Variants in ZBTB33 observed in about 807,000 individuals in gnomAD.
ZBTB33 encodes the protein zinc finger and BTB domain containing 33.
Under a neutral mutation model 25.9 loss-of-function variants are expected in ZBTB33, and 11 were observed. That is an observed-to-expected ratio of 0.42 (90% CI 0.27 to 0.70). The LOEUF is 0.70. Ranked by LOEUF, ZBTB33 falls within the 30% of genes least tolerant of loss-of-function variation. The pLI is 0.23. For synonymous variants in ZBTB33, 157 were observed against 184.8 expected (o/e 0.85, Z 1.22); for missense variants, 343 against 501.1 (o/e 0.68, Z 3.01).
Position 120,254,399 on chromosome X carries a change from A to AG in ZBTB33, c.985dup (p.Glu329GlyfsTer9). On this transcript the variant is annotated frameshift_variant, in exon 3 of 3. Coordinates refer to ENST00000557385, the MANE Select transcript of ZBTB33 (RefSeq NM_001184742.2). LOFTEE classifies it high-confidence loss of function. ...TTTTAACAGGAAACAAGGCCAATGA[A>AG]GAGGAGGAGGAGGAAATAATAGATG... 8.3e-7 allele frequency: 1 copy of AG among 1,211,498 alleles called. No homozygotes were observed. The highest frequency in any genetic ancestry group is 1.1e-6 in the Non-Finnish European group (1 of 895,434).
In ZBTB33 at chrX:120,254,741, T is replaced by C. The variant is rs782537395; in HGVS notation, c.1326T>C (p.Tyr442=). The C allele has an allele frequency of 5.4e-5, 65 of 1,209,887 alleles. 1 individual carries two copies. Among genetic ancestry groups the C allele is most frequent in the Non-Finnish European group, 2.9e-5 (26 of 895,069 alleles). ...ATGCAAATATCGGTGAAGATACTTA[T>C]GATATAGTGATCCCTGTCAAAGATG... is the stretch of plus-strand genomic sequence containing the variant. The part of the protein sequence containing the change: ...KVYANIGEDT[Y]DIVIPVKDDP... The change falls in exon 3 of 3, where the codon TAT becomes TAC. Residue 442 remains tyrosine, a synonymous_variant. Coordinates refer to ENST00000557385, the MANE Select transcript of ZBTB33 (RefSeq NM_001184742.2).
chrX:120,255,550 G>A lies in ZBTB33; in HGVS notation c.*116G>A. The A allele has an allele frequency of 1.5e-6, 1 of 653,024 alleles. No homozygotes were observed. The highest frequency in any genetic ancestry group is 2.3e-6 in the Non-Finnish European group (1 of 437,707). 53.8% of individuals were successfully genotyped at this position (653,024 alleles called of 1,213,427 possible). On this transcript the variant is annotated 3_prime_UTR_variant, in exon 3 of 3. Transcript: ENST00000557385. Reference sequence around the variant, plus strand: ...ATTTGATCTGCCACATTATCTGAAGGAAGTGTAGTGGGATTTTTGTTGATA... The same window carrying A: ...ATTTGATCTGCCACATTATCTGAAGAAAGTGTAGTGGGATTTTTGTTGATA...
chrX:120,251,312 T>C (rs1457351191), intron 1 of ZBTB33, among the ~76,000 whole-genome samples: 7 of 109,874 alleles, frequency 6.4e-5, no homozygotes, highest in Non-Finnish European at 1.1e-4. Flanking sequence ...CCCTAGCCCC[T>C]ACTTTGATTT....
chrX:120,253,199 T>TA (rs1301809570), intron 2 of ZBTB33, among the ~76,000 whole-genome samples: 3 of 112,026 alleles, frequency 2.7e-5, no homozygotes, highest in African/African-American at 9.7e-5. Context: ...TGTAACAATG[T>TA]AAAACTTGCT....
At position 120,255,431 on chromosome X, in the gene ZBTB33, C is replaced by A; in HGVS notation, c.2016C>A (p.Tyr672Ter). The A allele has an allele frequency of 8.4e-7, 1 of 1,187,164 alleles. No homozygotes were observed. Among genetic ancestry groups the A allele is most frequent in the Non-Finnish European group, 1.1e-6 (1 of 879,856 alleles). ...TTGAATTTATAATACCAGAGTCTTA[C>A]TAAACTCCTTTGAAATACTAGAAAG... is the stretch of plus-strand genomic sequence containing the variant. ...TEFEFIIPES[Y>*] Residue 672 changes from tyrosine to a stop codon, truncating the protein, a stop_gained, in exon 3 of 3, where the codon TAC becomes TAA. Transcript: ENST00000557385. LOFTEE classifies it high-confidence loss of function.
chrX:120,251,132 G>C (rs2057596585), intron 1 of ZBTB33, among the ~76,000 whole-genome samples, 155 bp downstream of exon 1: 1 of 111,687 alleles, frequency 9.0e-6, no homozygotes, highest in Non-Finnish European at 1.9e-5. Context: ...GTGGGCCGGG[G>C]AGCGAAGGAG....
intron 1 of ZBTB33, among the ~76,000 whole-genome samples, chrX:120,251,883 T>C (rs2057603178): frequency 8.9e-6 from 1 of 112,381 alleles, no homozygotes; most frequent in African/African-American, 3.2e-5. Context: ...ATTCCCATAT[T>C]GGAAGAACCC....
rs1556015219 is a variant in ZBTB33, at chrX:120,255,284, A to G, written c.1869A>G (p.Lys623=). The G allele has an allele frequency of 1.7e-6, 2 of 1,210,137 alleles. No homozygotes were observed. Among genetic ancestry groups the G allele is most frequent in the African/African-American group, 3.5e-5 (2 of 57,229 alleles). The change falls in exon 3 of 3, where the codon AAA becomes AAG. Residue 623 remains lysine (K), a synonymous_variant. Transcript: ENST00000557385. ...DGIGYKVDTG[K]EPPVGTTTST... is the part of the protein sequence containing the mutation. Reference sequence around the variant, plus strand: ...TTGGGTATAAGGTTGACACTGGAAAAGAACCTCCAGTAGGGACCACTACAT... The same window carrying G: ...TTGGGTATAAGGTTGACACTGGAAAGGAACCTCCAGTAGGGACCACTACAT...
Position 120,258,177 on chromosome X carries a change from A to G in ZBTB33, c.*2743A>G, listed in dbSNP as rs1402136843. ...GTAAACACTGATCAAGGTATTTTGTATTGTCAAGGCATGCATATTCTAAAG... is the reference window on the plus strand; with the variant it reads ...GTAAACACTGATCAAGGTATTTTGTGTTGTCAAGGCATGCATATTCTAAAG... On this transcript the variant is annotated 3_prime_UTR_variant, in exon 3 of 3. Transcript: ENST00000557385. 5 of 123,347 alleles carry G rather than the reference A, an allele frequency of 4.1e-5. No individual in the cohort carries two copies. The highest frequency in any genetic ancestry group is 1.6e-4 in the African/African-American group (5 of 30,819). The allele number at this position is 123,347 out of a possible 1,213,427, so 10.2% of individuals were successfully genotyped here.
chrX:120,251,704 A>G (rs1156912855), intron 1 of ZBTB33, among the ~76,000 whole-genome samples: 1 of 112,016 alleles, frequency 8.9e-6, no homozygotes, highest in Non-Finnish European at 1.9e-5. Flanking sequence ...CCCTCGGTCA[A>G]GGGTTTCACA....
At position 120,255,303 on chromosome X, in the gene ZBTB33, A is replaced by G. The variant is rs185674874; in HGVS notation, c.1888A>G (p.Thr630Ala). Reference sequence around the variant, plus strand: ...TGGAAAAGAACCTCCAGTAGGGACCACTACATCTACTCAGAACAAGCCAAT... The same window carrying G: ...TGGAAAAGAACCTCCAGTAGGGACCGCTACATCTACTCAGAACAAGCCAAT... ...DTGKEPPVGT[T>A]TSTQNKPMTW... Residue 630 changes from threonine to alanine, a missense_variant, in exon 3 of 3, where the codon ACT becomes GCT. This residue lies in a region of ZBTB33 where 304 missense variants were observed against 410.0 expected (regional missense o/e 0.74). Coordinates refer to ENST00000557385, the MANE Select transcript of ZBTB33 (RefSeq NM_001184742.2). 26 of 1,210,107 alleles carry G rather than the reference A, an allele frequency of 2.1e-5. No individual in the cohort carries two copies. The African/African-American group carries it at 3.7e-4, about 17-fold the overall frequency.
chrX:120,254,015 G>A lies in ZBTB33; in HGVS notation c.600G>A (p.Glu200=), dbSNP rs1211409063. The A allele has an allele frequency of 1.7e-6, 2 of 1,206,243 alleles. No homozygotes were observed. The highest frequency in any genetic ancestry group is 2.2e-6 in the Non-Finnish European group (2 of 893,277). Residue 200 remains glutamate (E), a synonymous_variant, in exon 3 of 3, where the codon GAG becomes GAA. Transcript: ENST00000557385. The stretch of plus-strand genomic sequence containing the variant: ...ATGATGATGTCATTTTTTGCTCCGA[G>A]ATTCTGCCCACAAAGGAGACTTTGC... ...DDDDDVIFCS[E]ILPTKETLPS... is the part of the protein sequence containing the mutation.
chrX:120,252,502 A>C (rs1332003488), intron 1 of ZBTB33, among the ~76,000 whole-genome samples, 167 bp from the exon 2 acceptor site: 9 of 112,079 alleles, frequency 8.0e-5, no homozygotes, highest in Non-Finnish European at 1.7e-4. Context: ...GTCTATTCCA[A>C]TAAGTTAATG....
intron 1 of ZBTB33, among the ~76,000 whole-genome samples, chrX:120,251,398 T>TC (rs782472159): frequency 0.029 from 3,039 of 105,948 alleles, 71 homozygotes; most frequent in East Asian, 0.17. Flanking sequence ...CTTCGCTTCA[T>TC]CCCCCCCCCA....
chrX:120,256,593 T>C lies in ZBTB33; in HGVS notation c.*1159T>C, dbSNP rs1291371867. ...CAGAAACTACATAAGGAATGTTATA[T>C]AGGCTTGTCAGTTCCCATTTTTCTT... is the stretch of plus-strand genomic sequence containing the variant. On this transcript the variant is annotated 3_prime_UTR_variant, in exon 3 of 3. Coordinates refer to ENST00000557385, the MANE Select transcript of ZBTB33 (RefSeq NM_001184742.2). The C allele has an allele frequency of 8.1e-6, 1 of 122,832 alleles. No individual in the cohort carries two copies. The highest frequency in any genetic ancestry group is 1.9e-5 in the Non-Finnish European group (1 of 53,049). 10.1% of individuals were successfully genotyped at this position (122,832 alleles called of 1,213,427 possible).
chrX:120,254,387 C>G lies in ZBTB33; in HGVS notation c.972C>G (p.Asn324Lys). 5.0e-6 allele frequency: 6 copies of G among 1,211,351 alleles called. No homozygotes were observed. The highest frequency in any genetic ancestry group is 6.7e-6 in the Non-Finnish European group (6 of 895,446). The change falls in exon 3 of 3, where the codon AAC becomes AAG. Residue 324 changes from asparagine (N) to lysine (K), a missense_variant. Asn to Lys is a moderately conservative substitution (Grantham distance 94, BLOSUM62 0). Coordinates refer to ENST00000557385, the MANE Select transcript of ZBTB33 (RefSeq NM_001184742.2). ...CAAACAGTGCTATTTTAACAGGAAA[C>G]AAGGCCAATGAAGAGGAGGAGGAGG... ...QTPNSAILTG[N>K]KANEEEEEEI...
Position 120,253,861 on chromosome X carries a change from T to C in ZBTB33, c.446T>C (p.Ile149Thr), listed in dbSNP as rs1333081721. 2.5e-6 allele frequency: 3 copies of C among 1,209,397 alleles called. No individual in the cohort carries two copies. The African/African-American group carries it at 5.3e-5, about 21-fold the overall frequency. The change falls in exon 3 of 3, where the codon ATA (isoleucine) becomes ACA (threonine). Residue 149 changes from isoleucine to threonine, a missense_variant. By Grantham distance (89) the Ile-to-Thr change is moderately conservative (BLOSUM62 -1). Coordinates refer to ENST00000557385, the MANE Select transcript of ZBTB33 (RefSeq NM_001184742.2). ...GATTCTGGTGACAAGAACCTTGTAATACAGAAATCAAAAGATGAAGCCCAA... is the reference window on the plus strand; with the variant it reads ...GATTCTGGTGACAAGAACCTTGTAACACAGAAATCAAAAGATGAAGCCCAA... ...PPDSGDKNLVIQKSKDEAQDN... is the reference protein window; with the variant it reads ...PPDSGDKNLVTQKSKDEAQDN...
At chrX:120,253,218 G>A (rs782553080) in intron 2 of ZBTB33, among the ~76,000 whole-genome samples, 196 bp from the exon 3 acceptor site, 46 of 112,078 alleles carry the variant, frequency 4.1e-4, no homozygotes, top group Non-Finnish European at 2.3e-4. Flanking sequence ...CTCAACTCAG[G>A]AGCAAGCCAT....
chrX:120,253,341 C>T, intron 2 of ZBTB33, 73 bp from the exon 3 acceptor site: 2 of 961,040 alleles, frequency 2.1e-6, no homozygotes, highest in Middle Eastern at 5.5e-4. Context: ...GATGCTACTG[C>T]TTAAATTCTA....
Sources: gnomAD v4.1 joint callset for allele counts (sites outside exome capture counted in the v4.1 genomes callset) on GRCh38, gnomAD v4.1.1 for gene constraint, gnomAD v4.1.1 regional missense constraint, MANE v1.5 for transcripts, NCBI Gene and HGNC (gene_info 2026-07-23, HGNC 2026-07-21) for gene names.